The following CNTN4 variants were observed in gnomAD, a reference collection of about 807,000 sequenced individuals.
CNTN4 encodes the protein contactin 4.
Under a neutral mutation model 122.5 loss-of-function variants are expected in CNTN4, and 77 were observed. That is an observed-to-expected ratio of 0.63 (90% CI 0.52 to 0.76). The LOEUF is 0.76. CNTN4 is among the 30% of genes least tolerant of loss of function. CNTN4 has a pLI of 0.00. For missense variants in CNTN4, 1,256 were observed against 1,259.1 expected, an observed-to-expected ratio of 1.00 and a Z score of 0.04; for synonymous variants, 512 against 447.0, an observed-to-expected ratio of 1.15 and a Z score of -1.83.
chr3:2,535,161 C>T (rs147788765), intron 3 of CNTN4, among the ~76,000 whole-genome samples: 15 of 152,104 alleles, frequency 9.9e-5, no homozygotes, highest in African/African-American at 2.2e-4. Context: ...GCTAGTTGCC[C>T]GTAAGATGCC....
chr3:2,392,247 G>A (rs919335727), intron 3 of CNTN4, among the ~76,000 whole-genome samples: 5 of 152,176 alleles, frequency 3.3e-5, no homozygotes. Flanking sequence ...GTCTCTTCAG[G>A]AAGTCTATAA....
chr3:2,950,088 C>T (rs1165270726), intron 13 of CNTN4, among the ~76,000 whole-genome samples: 1 of 152,206 alleles, frequency 6.6e-6, no homozygotes, highest in Non-Finnish European at 1.5e-5. Context: ...GATTAAGTAC[C>T]TTATCCATGA....
chr3:2,137,555 C>T (rs1412289727), intron 2 of CNTN4, among the ~76,000 whole-genome samples: 2 of 152,178 alleles, frequency 1.3e-5, no homozygotes, highest in African/African-American at 4.8e-5. Context: ...AGGCGATTCA[C>T]TTGCTTAAGT....
At chr3:2,669,506 C>T (rs1576401790) in intron 4 of CNTN4, among the ~76,000 whole-genome samples, 2 of 152,174 alleles carry the variant, frequency 1.3e-5, no homozygotes, top group East Asian at 3.9e-4. Flanking sequence ...GTCTTGCTAG[C>T]AGTCTATCAA....
intron 15 of CNTN4, among the ~76,000 whole-genome samples, chr3:3,027,759 A>G (rs926807498): frequency 6.6e-6 from 1 of 152,208 alleles, no homozygotes; most frequent in African/African-American, 2.4e-5. Context: ...TGCCCGACCA[A>G]TCGAAGTGGA....
intron 3 of CNTN4, among the ~76,000 whole-genome samples, chr3:2,462,111 A>T (rs550810684): frequency 6.6e-6 from 1 of 152,210 alleles, no homozygotes; most frequent in Admixed American, 6.5e-5. Context: ...ACAATAAATA[A>T]TTATTTGTCC....
Position 3,053,786 on chromosome 3 carries a change from CT to C in CNTN4, c.2812-20del. On this transcript the variant is annotated intron_variant, in intron 23 of 24. Coordinates refer to ENST00000418658, the MANE Select transcript of CNTN4 (RefSeq NM_175607.3). ...CCTTTGTGAAGACGGCAGGTGACAC[CT>C]GTTCTTTCTGTATTGGCAGGTCTTG... 2 of 1,613,796 alleles carry C rather than the reference CT, an allele frequency of 1.2e-6. No individual in the cohort carries two copies. Among genetic ancestry groups the C allele is most frequent in the South Asian group, 2.2e-5 (2 of 91,076 alleles).
chr3:2,871,015 C>T (rs4234555), intron 8 of CNTN4, among the ~76,000 whole-genome samples: 139,081 of 152,144 alleles, frequency 0.91, 63,666 homozygotes, highest in East Asian at 0.97. Flanking sequence ...CCCTTTTCCC[C>T]AGCTCTTCAC....
intron 12 of CNTN4, among the ~76,000 whole-genome samples, chr3:2,924,640 A>G (rs1317570934): frequency 6.6e-6 from 1 of 152,232 alleles, no homozygotes; most frequent in Admixed American, 6.5e-5. Flanking sequence ...GTATTTCCAT[A>G]GGACTATGTT....
intron 4 of CNTN4, among the ~76,000 whole-genome samples, chr3:2,657,349 T>G (rs1244585876): frequency 6.6e-6 from 1 of 152,220 alleles, no homozygotes; most frequent in African/African-American, 2.4e-5. Flanking sequence ...ATAGGTTTAT[T>G]ACATCAATCT....
At chr3:2,710,769 C>G (rs1435442868) in intron 4 of CNTN4, among the ~76,000 whole-genome samples, 1 of 152,160 alleles carries the variant, frequency 6.6e-6, no homozygotes, top group Non-Finnish European at 1.5e-5. Flanking sequence ...AAAATGCTTT[C>G]TGAGTGATAG....
chr3:2,226,672 T>A (rs1389056841), intron 2 of CNTN4, among the ~76,000 whole-genome samples: 1 of 152,170 alleles, frequency 6.6e-6, no homozygotes, highest in Non-Finnish European at 1.5e-5. Context: ...GGCTATTAAG[T>A]TCTTCATTAA....
chr3:2,621,174 C>T (rs982339121), intron 4 of CNTN4, among the ~76,000 whole-genome samples: 13 of 152,124 alleles, frequency 8.5e-5, no homozygotes, highest in Admixed American at 7.9e-4. Context: ...CCTGTTCTCG[C>T]GTCTTCCTCC....
At chr3:2,714,159 C>A (rs1020092487) in intron 4 of CNTN4, among the ~76,000 whole-genome samples, 6 of 151,974 alleles carry the variant, frequency 3.9e-5, no homozygotes, top group Middle Eastern at 3.2e-3. Flanking sequence ...AGTGTTGGGA[C>A]TTTTATCTGA....
At chr3:2,966,190 T>A (rs907337330) in intron 13 of CNTN4, among the ~76,000 whole-genome samples, 3 of 152,162 alleles carry the variant, frequency 2.0e-5, no homozygotes, top group Admixed American at 2.0e-4. Context: ...ATTTTAAAAA[T>A]AAATATTGGC....
intron 10 of CNTN4, chr3:2,892,073 C>T (rs769911390): frequency 6.6e-6 from 1 of 152,114 alleles, no homozygotes; most frequent in African/African-American, 2.4e-5. Flanking sequence ...GAAATTGAGT[C>T]CCAAAGAGAT....
At chr3:3,001,873 A>G (rs774140955) in intron 14 of CNTN4, among the ~76,000 whole-genome samples, 1 of 152,222 alleles carries the variant, frequency 6.6e-6, no homozygotes, top group Non-Finnish European at 1.5e-5. Context: ...TTTCACTCCC[A>G]TATCTATACC....
chr3:2,359,685 G>A (rs1176844862), intron 3 of CNTN4, among the ~76,000 whole-genome samples: 2 of 151,960 alleles, frequency 1.3e-5, no homozygotes, highest in African/African-American at 2.4e-5. Flanking sequence ...GACTACAGGC[G>A]CCCACCACCA....
intron 3 of CNTN4, among the ~76,000 whole-genome samples, chr3:2,489,628 C>G (rs1415366734): frequency 6.6e-6 from 1 of 152,122 alleles, no homozygotes; most frequent in Non-Finnish European, 1.5e-5. Context: ...CCTCCCCACT[C>G]CAAAATAATG....
Sources: allele counts gnomAD v4.1 joint callset (sites outside exome capture counted in the v4.1 genomes callset), GRCh38; gene constraint gnomAD v4.1.1; transcripts MANE v1.5; gene names NCBI Gene and HGNC (gene_info 2026-07-23, HGNC 2026-07-21).